The following ARHGAP20 variants were observed in gnomAD, a reference collection of about 807,000 sequenced individuals.
The protein encoded by ARHGAP20 is Rho GTPase activating protein 20, also known as rho GTPase-activating protein 20.
Under a neutral mutation model 73.7 loss-of-function variants are expected in ARHGAP20, and 34 were observed. The ratio of observed to expected loss-of-function variants is 0.46; its 90% CI spans 0.35 to 0.61. The LOEUF (loss-of-function observed/expected upper bound fraction) is 0.61. ARHGAP20 is among the 20% of genes least tolerant of loss of function. ARHGAP20 has a pLI of 0.00. For missense variants in ARHGAP20, 1,314 were observed against 1,420.9 expected, an observed-to-expected ratio of 0.92 and a Z score of 1.21; for synonymous variants, 523 against 518.2, an observed-to-expected ratio of 1.01 and a Z score of -0.13.
intron 4 of ARHGAP20, among the ~76,000 whole-genome samples, chr11:110,618,452 T>C (rs1388255438): frequency 1.3e-5 from 2 of 152,248 alleles, no homozygotes; most frequent in African/African-American, 4.8e-5. Flanking sequence ...ATTCAAGGAC[T>C]TCCTGTGTCT....
intron 14 of ARHGAP20, among the ~76,000 whole-genome samples, chr11:110,581,776 G>T (rs1952025276): frequency 6.6e-6 from 1 of 152,122 alleles, no homozygotes. Flanking sequence ...AACATATCTA[G>T]TAATTGATGG....
chr11:110,578,577 G>A lies in ARHGAP20; in HGVS notation c.*793C>T. 5 of 985,402 alleles carry A rather than the reference G, an allele frequency of 5.1e-6. No homozygotes were observed. Among genetic ancestry groups the A allele is most frequent in the Non-Finnish European group, 6.0e-6 (5 of 829,928 alleles). 61.0% of individuals were successfully genotyped at this position (985,402 alleles called of 1,614,324 possible). A position where few individuals can be genotyped will look rare whatever the true frequency, so the allele number is the denominator to read the frequency against. On this transcript the variant is annotated 3_prime_UTR_variant, in exon 15 of 15. Coordinates refer to ENST00000683387, the MANE Select transcript of ARHGAP20 (RefSeq NM_001384657.1). Reference sequence around the variant, plus strand: ...TCTAAATAGAAGAAGTTGCATTTCTGAAGAATGTTCCTAGGCAGAGATACC... The same window carrying A: ...TCTAAATAGAAGAAGTTGCATTTCTAAAGAATGTTCCTAGGCAGAGATACC...
At chr11:110,628,612 C>A (rs1455982434) in intron 3 of ARHGAP20, among the ~76,000 whole-genome samples, 1 of 152,140 alleles carries the variant, frequency 6.6e-6, no homozygotes, top group East Asian at 1.9e-4. Context: ...ATCATTCGCA[C>A]TTTTAAATAT....
intron 1 of ARHGAP20, 106 bp from the exon 2 acceptor site, chr11:110,690,735 TCTGTCAAGGAGCC>T: frequency 9.1e-7 from 1 of 1,104,332 alleles, no homozygotes; most frequent in Non-Finnish European, 1.3e-6. Flanking sequence ...CCTATCTTTG[TCTGTCAAGGAGCC>T]TACAGTTTCA....
At chr11:110,589,988 G>C (rs939560911) in intron 11 of ARHGAP20, among the ~76,000 whole-genome samples, 6 of 152,084 alleles carry the variant, frequency 3.9e-5, no homozygotes, top group Non-Finnish European at 8.8e-5. Flanking sequence ...GGACCTGGTA[G>C]TGCAGGCTTG....
intron 1 of ARHGAP20, among the ~76,000 whole-genome samples, chr11:110,711,203 C>T (rs1272368535): frequency 2.0e-5 from 3 of 152,136 alleles, no homozygotes; most frequent in Non-Finnish European, 2.9e-5. Flanking sequence ...TCGGAATCCT[C>T]CCGCAGCACA....
At position 110,648,172 on chromosome 11, in the gene ARHGAP20, A is replaced by AATATATATATATATATATGTAAATAT. The variant is rs201393164; in HGVS notation, c.189-17381_189-17380insATATTTACATATATATATATATATAT. On this transcript the variant is annotated intron_variant, in intron 2 of 14. Coordinates refer to ENST00000683387, the MANE Select transcript of ARHGAP20 (RefSeq NM_001384657.1). ...TATATATAATATATATATATATGTA[A>AATATATATATATATATATGTAAATAT]ATATATATATATATATGTAAATATA... Among the ~76,000 whole-genome samples the AATATATATATATATATATGTAAATAT allele has an allele frequency of 4.4e-5, 4 of 91,564 alleles. No homozygotes were observed. In the East Asian group the frequency reaches 9.4e-4, roughly 22 times the overall value. 60.1% of individuals were successfully genotyped at this position (91,564 alleles called of 152,430 possible). A position where few individuals can be genotyped will look rare whatever the true frequency, so the allele number is the denominator to read the frequency against.
At chr11:110,612,114 A>G (rs1948379252) in intron 6 of ARHGAP20, among the ~76,000 whole-genome samples, 1 of 152,200 alleles carries the variant, frequency 6.6e-6, no homozygotes. Flanking sequence ...TTACTTAAAA[A>G]TAGACAATTT....
At chr11:110,623,646 G>A (rs1948675618) in intron 4 of ARHGAP20, among the ~76,000 whole-genome samples, 1 of 152,186 alleles carries the variant, frequency 6.6e-6, no homozygotes, top group Non-Finnish European at 1.5e-5. Context: ...AAATTCAGGA[G>A]TATAAACCAT....
intron 2 of ARHGAP20, among the ~76,000 whole-genome samples, chr11:110,648,172 AATAT>A (rs201393164): frequency 3.3e-4 from 30 of 91,562 alleles, no homozygotes; most frequent in Admixed American, 8.4e-4. Flanking sequence ...TATATATGTA[AATAT>A]ATATATATAT....
At chr11:110,673,964 C>T (rs567217268) in intron 2 of ARHGAP20, among the ~76,000 whole-genome samples, 119 of 149,450 alleles carry the variant, frequency 8.0e-4, no homozygotes, top group African/African-American at 2.9e-3. Context: ...TTTGAGACAG[C>T]ATTTCGCTCT....
chr11:110,600,984 G>A (rs1402268575), intron 9 of ARHGAP20, among the ~76,000 whole-genome samples: 1 of 152,186 alleles, frequency 6.6e-6, no homozygotes, highest in East Asian at 1.9e-4. Context: ...GGTTATGCTG[G>A]TTAACAGGGA....
chr11:110,687,958 A>G (rs925281900), intron 2 of ARHGAP20, among the ~76,000 whole-genome samples: 5 of 152,346 alleles, frequency 3.3e-5, no homozygotes, highest in Non-Finnish European at 5.9e-5. Context: ...AATACAAAGT[A>G]CAATTATCTC....
At chr11:110,648,145 GATATATATAATAT>G in intron 2 of ARHGAP20, among the ~76,000 whole-genome samples, 1 of 134,238 alleles carries the variant, frequency 7.4e-6, no homozygotes, top group African/African-American at 2.7e-5. Flanking sequence ...CTCGGTCAGT[GATATATATAATAT>G]ATATATATAT....
intron 9 of ARHGAP20, among the ~76,000 whole-genome samples, chr11:110,602,416 G>A (rs1490384334): frequency 6.6e-6 from 1 of 152,076 alleles, no homozygotes. Context: ...CAGACCAATG[G>A]TTAATCACAA....
At position 110,590,624 on chromosome 11, in the gene ARHGAP20, G is replaced by A. The variant is rs542218316; in HGVS notation, c.1305+24C>T. ...TTTCTCTAGAGCTACACCATGGGGT[G>A]GATAAAGGGATGACTCTTCTTACCT... On this transcript the variant is annotated intron_variant, in intron 11 of 14. Coordinates refer to ENST00000683387, the MANE Select transcript of ARHGAP20 (RefSeq NM_001384657.1). 31 of 1,603,678 alleles carry A rather than the reference G, an allele frequency of 1.9e-5. No individual in the cohort carries two copies. The South Asian group carries it at 2.6e-4, about 13-fold the overall frequency.
intron 2 of ARHGAP20, among the ~76,000 whole-genome samples, chr11:110,648,172 A>AT (rs1949242693): frequency 3.3e-5 from 3 of 91,548 alleles, no homozygotes; most frequent in Non-Finnish European, 4.5e-5. Context: ...TATATATGTA[A>AT]ATATATATAT....
At chr11:110,586,027 G>A (rs1947655428) in intron 12 of ARHGAP20, among the ~76,000 whole-genome samples, 189 bp downstream of exon 12, 1 of 152,120 alleles carries the variant, frequency 6.6e-6, no homozygotes, top group Admixed American at 6.6e-5. Context: ...TATATGGAAG[G>A]TGTACAATCT....
chr11:110,630,723 C>T lies in ARHGAP20; in HGVS notation c.258G>A (p.Leu86=). The change falls in exon 3 of 15, where the codon CTG becomes CTA. Residue 86 remains leucine (L), a synonymous_variant. Coordinates refer to ENST00000683387, the MANE Select transcript of ARHGAP20 (RefSeq NM_001384657.1). ...LSSLVCSNRT[L]LIDGRAELKR... is the part of the protein sequence containing the mutation. Reference sequence around the variant, plus strand: ...TGAGTTCTGCCCGGCCATCAATCAGCAGAGTCCTATTGGAGCACACTAATG... The same window carrying T: ...TGAGTTCTGCCCGGCCATCAATCAGTAGAGTCCTATTGGAGCACACTAATG... 6.2e-7 allele frequency: 1 copy of T among 1,614,126 alleles called. No homozygotes were observed. The highest frequency in any genetic ancestry group is 8.5e-7 in the Non-Finnish European group (1 of 1,180,000).
Sources: gnomAD v4.1 joint callset for allele counts (sites outside exome capture counted in the v4.1 genomes callset) on GRCh38, gnomAD v4.1.1 for gene constraint, MANE v1.5 for transcripts, NCBI Gene and HGNC (gene_info 2026-07-23, HGNC 2026-07-21) for gene names.